The following PPARGC1A variants were observed in gnomAD, a reference collection of about 807,000 sequenced individuals.
PPARGC1A encodes the protein peroxisome proliferator-activated receptor gamma coactivator 1-alpha.
A neutral mutation model predicts 88.7 loss-of-function variants in PPARGC1A; 25 were observed. The ratio of observed to expected loss-of-function variants is 0.28; its 90% CI spans 0.21 to 0.39. The LOEUF is 0.39. Among genes scored for constraint, PPARGC1A ranks in the 10% least tolerant of loss-of-function variants. The pLI is 1.00. For missense variants in PPARGC1A, 880 were observed against 968.7 expected (o/e 0.91, Z 1.22); for synonymous variants, 363 against 355.6 (o/e 1.02, Z -0.24).
chr4:24,186,744 C>T, the PPARGC1A span, among the ~76,000 whole-genome samples: 2 of 151,984 alleles, frequency 1.3e-5, no homozygotes, highest in Non-Finnish European at 2.9e-5. Flanking sequence ...CTCTTTCAAC[C>T]CATTCAGTGC....
chr4:23,968,734 G>A, the PPARGC1A span, among the ~76,000 whole-genome samples: 1 of 152,026 alleles, frequency 6.6e-6, no homozygotes, highest in Non-Finnish European at 1.5e-5. Context: ...GGCCAACATG[G>A]TGAAATCACA....
the PPARGC1A span, among the ~76,000 whole-genome samples, chr4:24,274,691 C>T: frequency 2.0e-5 from 3 of 152,304 alleles, no homozygotes; most frequent in East Asian, 5.8e-4. Flanking sequence ...GTCTTATCTG[C>T]CATAACTTGC....
the PPARGC1A span, among the ~76,000 whole-genome samples, chr4:24,283,138 G>T: frequency 6.6e-6 from 1 of 152,164 alleles, no homozygotes; most frequent in Non-Finnish European, 1.5e-5. Flanking sequence ...GGCTCATTAT[G>T]TAGTGACAAA....
chr4:24,056,123 G>A, the PPARGC1A span, among the ~76,000 whole-genome samples: 2 of 152,242 alleles, frequency 1.3e-5, no homozygotes, highest in Non-Finnish European at 1.5e-5. Flanking sequence ...AAGCTAAGAA[G>A]TGGCAGATTT....
At chr4:24,271,389 T>C in the PPARGC1A span, among the ~76,000 whole-genome samples, 9 of 152,240 alleles carry the variant, frequency 5.9e-5, no homozygotes, top group East Asian at 1.5e-3. Flanking sequence ...CTTTTACTTT[T>C]TTTTTTGAGA....
At chr4:24,189,424 C>G in the PPARGC1A span, among the ~76,000 whole-genome samples, 1 of 152,126 alleles carries the variant, frequency 6.6e-6, no homozygotes, top group South Asian at 2.1e-4. Flanking sequence ...AACATAAACC[C>G]ATCAGGAAGT....
the PPARGC1A span, among the ~76,000 whole-genome samples, chr4:24,233,171 G>A: frequency 1.3e-4 from 20 of 152,272 alleles, no homozygotes; most frequent in African/African-American, 4.3e-4. Context: ...TCACTTAGAA[G>A]CAGATGCAAA....
At chr4:23,927,556 T>C in the PPARGC1A span, among the ~76,000 whole-genome samples, 64 of 152,340 alleles carry the variant, frequency 4.2e-4, no homozygotes, top group African/African-American at 1.4e-3. Flanking sequence ...AATTTTCTAA[T>C]AAGAATAATA....
the PPARGC1A span, among the ~76,000 whole-genome samples, chr4:23,914,910 G>C: frequency 1.3e-5 from 2 of 152,188 alleles, no homozygotes; most frequent in Non-Finnish European, 2.9e-5. Flanking sequence ...GCAAGTATTT[G>C]TCATCAATTA....
At chr4:24,105,944 T>G in the PPARGC1A span, among the ~76,000 whole-genome samples, 28 of 152,188 alleles carry the variant, frequency 1.8e-4, 1 homozygote. Flanking sequence ...TGGAGAGTGC[T>G]GCAATAAAGG....
the PPARGC1A span, among the ~76,000 whole-genome samples, chr4:24,151,239 A>T: frequency 6.6e-6 from 1 of 152,212 alleles, no homozygotes; most frequent in East Asian, 1.9e-4. Flanking sequence ...TGGCCTAAAC[A>T]ACAGAAATTT....
chr4:24,319,065 G>A, the PPARGC1A span, among the ~76,000 whole-genome samples: 2 of 152,252 alleles, frequency 1.3e-5, no homozygotes, highest in African/African-American at 4.8e-5. Flanking sequence ...AAAGAAACTC[G>A]GCTGAGTGCG....
At chr4:23,974,786 C>T in the PPARGC1A span, among the ~76,000 whole-genome samples, 4 of 127,378 alleles carry the variant, frequency 3.1e-5, no homozygotes, top group Non-Finnish European at 6.9e-5. Context: ...GAACCAGCCA[C>T]CAGGCCCGGC....
the PPARGC1A span, among the ~76,000 whole-genome samples, chr4:23,922,750 G>C: frequency 6.6e-6 from 1 of 152,304 alleles, no homozygotes; most frequent in Non-Finnish European, 1.5e-5. Context: ...TGGCTAAGGA[G>C]GGATAAATAT....
chr4:24,245,949 A>ACG, the PPARGC1A span, among the ~76,000 whole-genome samples: 13 of 151,874 alleles, frequency 8.6e-5, no homozygotes, highest in Non-Finnish European at 1.9e-4. Context: ...ACACACACAC[A>ACG]CACACACACA....
the PPARGC1A span, among the ~76,000 whole-genome samples, chr4:24,076,104 A>G: frequency 6.6e-6 from 1 of 151,486 alleles, no homozygotes; most frequent in African/African-American, 2.4e-5. Context: ...GCTTCTTTCC[A>G]CTCCCACCCT....
the PPARGC1A span, among the ~76,000 whole-genome samples, chr4:24,188,160 C>T: frequency 3.7e-4 from 56 of 152,174 alleles, no homozygotes; most frequent in South Asian, 1.0e-3. Context: ...TGAGGAAGAG[C>T]AACACAGCTA....
the PPARGC1A span, among the ~76,000 whole-genome samples, chr4:24,355,997 G>C: frequency 6.6e-6 from 1 of 151,990 alleles, no homozygotes; most frequent in Non-Finnish European, 1.5e-5. Flanking sequence ...AGAAGTTCAA[G>C]ACCAGCCTGG....
the PPARGC1A span, among the ~76,000 whole-genome samples, chr4:24,406,893 G>A: frequency 6.6e-6 from 1 of 152,220 alleles, no homozygotes; most frequent in Non-Finnish European, 1.5e-5. Context: ...TTTCAAACAT[G>A]TTCCCTGGAG....
Sources: gnomAD v4.1 joint callset for allele counts (sites outside exome capture counted in the v4.1 genomes callset) on GRCh38, gnomAD v4.1.1 for gene constraint, MANE v1.5 for transcripts, NCBI Gene and HGNC (gene_info 2026-07-23, HGNC 2026-07-21) for gene names.